NSRP1: variants seen among roughly 807,000 people sequenced by gnomAD.
NSRP1 encodes coiled-coil domain containing 55.
Under a neutral mutation model 54.7 loss-of-function variants are expected in NSRP1, and 24 were observed. That is an observed-to-expected ratio of 0.44 (90% CI 0.32 to 0.62). The LOEUF is 0.62. Among genes scored for constraint, NSRP1 ranks in the 20% least tolerant of loss-of-function variants. The probability of loss-of-function intolerance (pLI) is 0.06; values close to 1 mark genes in which losing one functional copy is unlikely to be tolerated. For synonymous variants in NSRP1, 210 were observed against 213.8 expected (o/e 0.98, Z 0.15); for missense variants, 596 against 651.2 (o/e 0.92, Z 0.92).
At chr17:30,127,045 G>A (rs966509009) in intron 2 of NSRP1, among the ~76,000 whole-genome samples, 1 of 152,234 alleles carries the variant, frequency 6.6e-6, no homozygotes, top group Non-Finnish European at 1.5e-5. Flanking sequence ...TGTAAATTAT[G>A]AGCATGAGTA....
At chr17:30,177,137 G>A (rs1312598980) in intron 3 of NSRP1, among the ~76,000 whole-genome samples, 1 of 152,030 alleles carries the variant, frequency 6.6e-6, no homozygotes, top group African/African-American at 2.4e-5. Context: ...GGGGGGCGCT[G>A]AGGTGGGTGG....
intron 5 of NSRP1, among the ~76,000 whole-genome samples, chr17:30,179,636 T>A (rs1905236457): frequency 6.6e-6 from 1 of 152,158 alleles, no homozygotes; most frequent in Admixed American, 6.5e-5. Context: ...AATATAAATA[T>A]AATTTTAAAC....
At chr17:30,136,370 A>AT (rs2071751362) in intron 2 of NSRP1, among the ~76,000 whole-genome samples, 1 of 152,072 alleles carries the variant, frequency 6.6e-6, no homozygotes, top group Non-Finnish European at 1.5e-5. Context: ...TTACTCTAGC[A>AT]TTATAATCTC....
chr17:30,177,832 G>T, intron 3 of NSRP1: 2 of 543,068 alleles, frequency 3.7e-6, no homozygotes, highest in Admixed American at 3.3e-5. Flanking sequence ...TCTTCTAGAT[G>T]AGGAAATTAA....
intron 2 of NSRP1, among the ~76,000 whole-genome samples, chr17:30,130,602 A>G (rs550892463): frequency 1.1e-4 from 16 of 152,314 alleles, no homozygotes; most frequent in African/African-American, 3.8e-4. Context: ...TCTTACAGAC[A>G]TTAGTGATTT....
rs2071537525 is a variant in NSRP1, at chr17:30,116,873, C to T, written c.20+10C>T. 3.2e-6 allele frequency: 5 copies of T among 1,572,052 alleles called. No homozygotes were observed. Among genetic ancestry groups the T allele is most frequent in the Non-Finnish European group, 4.3e-6 (5 of 1,158,186 alleles). On this transcript the variant is annotated intron_variant, in intron 1 of 6. Coordinates refer to ENST00000247026, the MANE Select transcript of NSRP1 (RefSeq NM_032141.4). ...CGATTCCGGGCAGGCAGTGAGTGAT[C>T]CGGGAGTTAGGGTCAGGCTGGGGGA...
In NSRP1 at chr17:30,184,611, T is replaced by C. The variant is rs777690733; in HGVS notation, c.618-4T>C. 8 of 1,532,662 alleles carry C rather than the reference T, an allele frequency of 5.2e-6. No homozygotes were observed. Among genetic ancestry groups the C allele is most frequent in the Non-Finnish European group, 7.0e-6 (8 of 1,141,988 alleles). The allele number at this position is 1,532,662 out of a possible 1,614,324, so 94.9% of individuals were successfully genotyped here. A position where few individuals can be genotyped will look rare whatever the true frequency, so the allele number is the denominator to read the frequency against. On this transcript the variant is annotated splice_polypyrimidine_tract_variant and splice_region_variant and intron_variant, in intron 6 of 6. Transcript: ENST00000247026. ...TCTGCCCTTTTTTGTTTTTTGTTTC[T>C]AAGATCTGGTATAAAGGAAGAAAAA...
At chr17:30,159,642 C>A (rs1044245178) in intron 2 of NSRP1, among the ~76,000 whole-genome samples, 3 of 151,768 alleles carry the variant, frequency 2.0e-5, no homozygotes, top group South Asian at 4.2e-4. Context: ...TATATTCTTT[C>A]TTTTTATTTT....
chr17:30,127,139 G>A (rs1347379004), intron 2 of NSRP1, among the ~76,000 whole-genome samples: 3 of 152,168 alleles, frequency 2.0e-5, no homozygotes, highest in Non-Finnish European at 4.4e-5. Context: ...CTGACCACTG[G>A]TCTGTATGAT....
chr17:30,119,038 G>GC (rs1276536677), intron 2 of NSRP1, among the ~76,000 whole-genome samples: 1 of 151,468 alleles, frequency 6.6e-6, no homozygotes, highest in Non-Finnish European at 1.5e-5. Flanking sequence ...GTAAGCCACC[G>GC]CACCCAGTAA....
intron 2 of NSRP1, chr17:30,122,732 C>T (rs563599112): frequency 6.6e-6 from 1 of 151,158 alleles, no homozygotes; most frequent in East Asian, 2.0e-4. Flanking sequence ...AACTGCCAGA[C>T]TTTTTCAAAA....
intron 2 of NSRP1, among the ~76,000 whole-genome samples, chr17:30,142,611 C>T (rs1016826779): frequency 9.2e-5 from 14 of 152,254 alleles, no homozygotes; most frequent in Admixed American, 2.6e-4. Flanking sequence ...GGACCTCACC[C>T]GACCTAAGTA....
At chr17:30,126,219 A>G (rs2071648140) in intron 2 of NSRP1, 1 of 152,074 alleles carries the variant, frequency 6.6e-6, no homozygotes, top group East Asian at 1.9e-4. Context: ...GACTTTGAAA[A>G]CCTTCTCTAT....
chr17:30,156,509 C>T (rs2071963795), intron 2 of NSRP1: 1 of 151,516 alleles, frequency 6.6e-6, no homozygotes, highest in Non-Finnish European at 1.5e-5. Context: ...CTGTAAGTGA[C>T]ATGATTCCAT....
Position 30,131,886 on chromosome 17 carries a change from ATAATC to A in NSRP1, c.114+13717_114+13721del, listed in dbSNP as rs2071703179. On this transcript the variant is annotated intron_variant, in intron 2 of 6. Coordinates refer to ENST00000247026, the MANE Select transcript of NSRP1 (RefSeq NM_032141.4). The stretch of plus-strand genomic sequence containing the variant: ...CTGTTTTATCAACTAAGTTTATGTA[ATAATC>A]TAAATTCTTTGTTGTCATTTCAACA... Among the ~76,000 whole-genome samples the A allele has an allele frequency of 3.9e-5, 6 of 152,194 alleles. No individual in the cohort carries two copies. In the South Asian group the frequency reaches 1.2e-3, roughly 32 times the overall value.
In NSRP1 at chr17:30,179,206, TAAA is replaced by T. The variant is rs746059036; in HGVS notation, c.418_420del (p.Lys140del). On this transcript the variant is annotated inframe_deletion, in exon 5 of 7. Transcript: ENST00000247026. ...AAATGGAAAAGGGGGAGTTTGATGATAAAGAAGCATTTGTGACATCTGCATATA... is the reference window on the plus strand; with the variant it reads ...AAATGGAAAAGGGGGAGTTTGATGATGAAGCATTTGTGACATCTGCATATA... The T allele has an allele frequency of 1.4e-5, 22 of 1,611,656 alleles. 1 individual carries two copies. Among genetic ancestry groups the T allele is most frequent in the Admixed American group, 5.0e-5 (3 of 59,894 alleles).
intron 3 of NSRP1, among the ~76,000 whole-genome samples, chr17:30,175,047 T>G (rs1319635417): frequency 6.6e-6 from 1 of 152,238 alleles, no homozygotes; most frequent in Non-Finnish European, 1.5e-5. Context: ...ACATTTTGTT[T>G]GTTTCTACTT....
At chr17:30,168,587 A>G in intron 2 of NSRP1, among the ~76,000 whole-genome samples, 1 of 148,292 alleles carries the variant, frequency 6.7e-6, no homozygotes, top group East Asian at 1.9e-4. Context: ...AATAATAATA[A>G]TAATAGTAAT....
At chr17:30,140,246 G>A (rs965762411) in intron 2 of NSRP1, among the ~76,000 whole-genome samples, 3 of 152,058 alleles carry the variant, frequency 2.0e-5, no homozygotes, top group African/African-American at 7.2e-5. Flanking sequence ...TAAGAATGTC[G>A]TTAGCATGAA....
Sources: allele counts gnomAD v4.1 joint callset (sites outside exome capture counted in the v4.1 genomes callset), GRCh38; gene constraint gnomAD v4.1.1; transcripts MANE v1.5; gene names NCBI Gene and HGNC (gene_info 2026-07-23, HGNC 2026-07-21).